The following CR1 variants were observed in gnomAD, a reference collection of about 807,000 sequenced individuals.
CR1 encodes the protein complement C3b/C4b receptor 1 (Knops blood group).
CR1 carries 116 observed loss-of-function variants against 187.3 expected under a neutral mutation model. The ratio of observed to expected loss-of-function variants is 0.62; its 90% CI spans 0.53 to 0.72. CR1 has a LOEUF of 0.72. Among genes scored for constraint, CR1 ranks in the 30% least tolerant of loss-of-function variants. CR1 has a pLI of 0.00. For missense variants in CR1, 1,731 were observed against 2,110.7 expected, an observed-to-expected ratio of 0.82 and a Z score of 3.52; for synonymous variants, 576 against 747.1, an observed-to-expected ratio of 0.77 and a Z score of 3.73.
intron 42 of CR1, among the ~76,000 whole-genome samples, chr1:207,619,338 G>A (rs550518991): frequency 7.2e-5 from 10 of 139,470 alleles, no homozygotes; most frequent in South Asian, 2.2e-4. Flanking sequence ...AGCCCAGATC[G>A]CGCCACTGCA....
At chr1:207,503,476 G>A (rs572920599) in intron 1 of CR1, among the ~76,000 whole-genome samples, 2 of 152,282 alleles carry the variant, frequency 1.3e-5, no homozygotes, top group Non-Finnish European at 2.9e-5. Flanking sequence ...CTCCAGGGGA[G>A]CAGGGGTTTT....
chr1:207,497,481 T>C (rs1167680496), intron 1 of CR1, among the ~76,000 whole-genome samples: 1 of 152,196 alleles, frequency 6.6e-6, no homozygotes, highest in East Asian at 1.9e-4. Context: ...TTTACATTCA[T>C]TATTTGAGTG....
At chr1:207,613,977 A>G (rs1435838133) in intron 39 of CR1, among the ~76,000 whole-genome samples, 1 of 152,132 alleles carries the variant, frequency 6.6e-6, no homozygotes, top group African/African-American at 2.4e-5. Context: ...TGCTTACCAA[A>G]TCGAGAGCTG....
At chr1:207,623,921 T>G (rs1436900115) in intron 45 of CR1, among the ~76,000 whole-genome samples, 1 of 132,220 alleles carries the variant, frequency 7.6e-6, no homozygotes, top group African/African-American at 2.9e-5. Flanking sequence ...CTTTTTTTTT[T>G]TTTTTTTTTT....
chr1:207,601,923 T>TG (rs1328503045), intron 35 of CR1, among the ~76,000 whole-genome samples: 2 of 152,150 alleles, frequency 1.3e-5, no homozygotes. Flanking sequence ...GACACTTCAG[T>TG]TCCTCACTAC....
At chr1:207,576,518 A>C (rs1342432667) in intron 28 of CR1, among the ~76,000 whole-genome samples, 1 of 152,162 alleles carries the variant, frequency 6.6e-6, no homozygotes, top group Non-Finnish European at 1.5e-5. Context: ...CTTATTATTT[A>C]ATAAAGATGT....
intron 1 of CR1, among the ~76,000 whole-genome samples, 200 bp from the exon 2 acceptor site, chr1:207,505,704 G>A (rs1659406493): frequency 6.6e-6 from 1 of 151,816 alleles, no homozygotes; most frequent in Admixed American, 6.6e-5. Context: ...GTGTGGTGGT[G>A]GGCACCTGTA....
chr1:207,622,009 A>G lies in CR1; in HGVS notation c.7276+13A>G. 2 of 1,592,462 alleles carry G rather than the reference A, an allele frequency of 1.3e-6. No individual in the cohort carries two copies. Among genetic ancestry groups the G allele is most frequent in the Middle Eastern group, 1.7e-4 (1 of 6,022 alleles). On this transcript the variant is annotated intron_variant, in intron 44 of 46. Transcript: ENST00000367049. ...GCTCTCATAGTTGGTAAGTTTTATG[A>G]AAGTTTTGCTGAGGAATTCTGGCAT...
At chr1:207,497,551 G>C in intron 1 of CR1, among the ~76,000 whole-genome samples, 1 of 152,304 alleles carries the variant, frequency 6.6e-6, no homozygotes, top group South Asian at 2.1e-4. Context: ...TCCCGCAAGA[G>C]TTGTTATTAA....
At chr1:207,575,470 G>T (rs766255102) in intron 27 of CR1, 125 bp from the exon 28 acceptor site, 2 of 1,184,596 alleles carry the variant, frequency 1.7e-6, no homozygotes, top group African/African-American at 1.5e-5. Context: ...GAAACAATAG[G>T]TAAAGTTTAG....
chr1:207,577,740 G>C, intron 28 of CR1, 65 bp from the exon 29 acceptor site: 2 of 1,595,616 alleles, frequency 1.3e-6, no homozygotes, highest in African/African-American at 1.3e-5. Flanking sequence ...CTGCACTCCA[G>C]CCTGGGTGAC....
intron 3 of CR1, chr1:207,507,419 C>T (rs909140027): frequency 1.3e-5 from 2 of 152,472 alleles, no homozygotes; most frequent in African/African-American, 4.8e-5. Flanking sequence ...TCTCTGTCCT[C>T]ACATGGCCGT....
chr1:207,640,024 C>A lies in CR1; in HGVS notation c.*615C>A, dbSNP rs1170061177. ...TATGCTATATCAGTTTTTACTTTCT[C>A]TAGGGAGAAAAATTAATTTACTAGA... On this transcript the variant is annotated 3_prime_UTR_variant, in exon 47 of 47. Transcript: ENST00000367049. 6 of 152,072 alleles carry A rather than the reference C, an allele frequency of 3.9e-5. No individual in the cohort carries two copies. The highest frequency in any genetic ancestry group is 1.4e-4 in the African/African-American group (6 of 41,402). 9.4% of individuals were successfully genotyped at this position (152,072 alleles called of 1,614,324 possible).
chr1:207,575,488 C>G, intron 27 of CR1, 107 bp from the exon 28 acceptor site: 1 of 1,423,874 alleles, frequency 7.0e-7, no homozygotes, highest in South Asian at 1.1e-5. Flanking sequence ...TAGGCTAGGC[C>G]TTAGACTTCT....
intron 27 of CR1, among the ~76,000 whole-genome samples, chr1:207,572,446 G>A (rs1325013009): frequency 6.6e-6 from 1 of 151,808 alleles, no homozygotes; most frequent in Non-Finnish European, 1.5e-5. Context: ...ACAAATTATT[G>A]AAGGTCAGAT....
chr1:207,522,760 T>C lies in CR1; in HGVS notation c.488-851T>C, dbSNP rs543275086. Among the ~76,000 whole-genome samples the C allele has an allele frequency of 3.4e-5, 5 of 148,342 alleles. No homozygotes were observed. In the South Asian group the frequency reaches 1.0e-3, roughly 31 times the overall value. On this transcript the variant is annotated intron_variant, in intron 4 of 46. Coordinates refer to ENST00000367049, the MANE Select transcript of CR1 (RefSeq NM_000651.6). ...GCAGAGCCTGAAAAATTTTTATTTT[T>C]AATTTTAATTCATTCATTTCTAAAT...
At chr1:207,520,278 T>C (rs796552885) in intron 4 of CR1, among the ~76,000 whole-genome samples, 4 of 152,322 alleles carry the variant, frequency 2.6e-5, no homozygotes, top group South Asian at 4.1e-4. Context: ...CACCTCTCTA[T>C]GGGACAGCTA....
chr1:207,617,602 TATATATATATAGAGAGAGAGAGAGAG>T (rs1461159682), intron 41 of CR1, among the ~76,000 whole-genome samples: 497 of 30,110 alleles, frequency 0.017, 5 homozygotes, highest in Non-Finnish European at 0.021. Context: ...TATATATATA[TATATATATATAGAGAGAGAGAGAGAG>T]AGAGAGAGAG....
intron 42 of CR1, among the ~76,000 whole-genome samples, chr1:207,619,278 G>C (rs1210744109): frequency 2.0e-5 from 3 of 150,164 alleles, no homozygotes; most frequent in Non-Finnish European, 4.4e-5. Context: ...ACCTACCCGG[G>C]AGGCTGAAGC....
Sources: gnomAD v4.1 joint callset for allele counts (sites outside exome capture counted in the v4.1 genomes callset) on GRCh38, gnomAD v4.1.1 for gene constraint, MANE v1.5 for transcripts, NCBI Gene and HGNC (gene_info 2026-07-23, HGNC 2026-07-21) for gene names.